PRKG1: variants seen among roughly 807,000 people sequenced by gnomAD.
PRKG1 encodes the protein cGMP-dependent protein kinase 1.
In PRKG1, 35 loss-of-function variants were observed where a neutral mutation model predicts 88.1. The observed-to-expected ratio is 0.40, with a 90% CI of 0.30 to 0.53. The LOEUF (loss-of-function observed/expected upper bound fraction) is 0.53. Among genes scored for constraint, PRKG1 ranks in the 20% least tolerant of loss-of-function variants. The pLI is 0.59. For synonymous variants in PRKG1, 303 were observed against 292.5 expected, an observed-to-expected ratio of 1.04 and a Z score of -0.37; for missense variants, 540 against 839.8, an observed-to-expected ratio of 0.64 and a Z score of 4.41.
intron 3 of PRKG1, among the ~76,000 whole-genome samples, chr10:51,628,234 A>G (rs1010902219): frequency 6.8e-6 from 1 of 148,140 alleles, no homozygotes; most frequent in African/African-American, 2.5e-5. Flanking sequence ...CAGTGGCACA[A>G]ACTTGCCTCA....
chr10:52,251,301 T>A (rs991943870), intron 9 of PRKG1, among the ~76,000 whole-genome samples: 2 of 152,192 alleles, frequency 1.3e-5, no homozygotes, highest in African/African-American at 4.8e-5. Context: ...AACTTTGATT[T>A]GATAACTGGA....
chr10:51,393,342 T>G (rs1837490797), intron 2 of PRKG1, among the ~76,000 whole-genome samples: 1 of 145,746 alleles, frequency 6.9e-6, no homozygotes, highest in Non-Finnish European at 1.5e-5. Flanking sequence ...CTAGATGGGA[T>G]GGCGGCCGGG....
chr10:52,100,045 A>C (rs12776375), intron 7 of PRKG1, among the ~76,000 whole-genome samples: 26,544 of 152,186 alleles, frequency 0.17, 2,674 homozygotes, highest in South Asian at 0.28. Context: ...AGATTTCGTA[A>C]GCCAAAAATG....
At chr10:51,179,799 G>T (rs764569874) in intron 2 of PRKG1, among the ~76,000 whole-genome samples, 9 of 152,122 alleles carry the variant, frequency 5.9e-5, no homozygotes, top group Non-Finnish European at 1.2e-4. Context: ...TCCAGTGCTT[G>T]TTCTGCCCAT....
At chr10:51,132,468 C>A (rs1845589022) in intron 1 of PRKG1, among the ~76,000 whole-genome samples, 1 of 151,950 alleles carries the variant, frequency 6.6e-6, no homozygotes, top group Non-Finnish European at 1.5e-5. Flanking sequence ...TTACAAATGT[C>A]ATCATAAGGC....
chr10:51,256,834 G>A (rs1839573226), intron 2 of PRKG1, among the ~76,000 whole-genome samples: 1 of 151,998 alleles, frequency 6.6e-6, no homozygotes, highest in Non-Finnish European at 1.5e-5. Flanking sequence ...ATAAGACGTT[G>A]GACTATGGGG....
chr10:51,847,840 TAAAAAAAAAAAAAAAAAAAAAAAAAA>T (rs766423513), intron 4 of PRKG1, among the ~76,000 whole-genome samples: 1 of 35,200 alleles, frequency 2.8e-5, no homozygotes, highest in African/African-American at 1.0e-4. Flanking sequence ...AAGACTCTGT[TAAAAAAAAAAAAAAAAAAAAAAAAAA>T]AAAAAAAAAA....
In PRKG1 at chr10:52,277,553, T is replaced by C. The variant is rs186642099; in HGVS notation, c.1404-3236T>C. Among the ~76,000 whole-genome samples the C allele has an allele frequency of 9.4e-4, 143 of 152,220 alleles. 1 individual carries two copies. The highest frequency in any genetic ancestry group is 3.2e-3 in the African/African-American group (133 of 41,560). On this transcript the variant is annotated intron_variant, in intron 12 of 17. Transcript: ENST00000373980. ...GGATCTTCACAACAACCCAGTGAGATAGTTACTGTTATTAGCCCCATTTTG... is the reference window on the plus strand; with the variant it reads ...GGATCTTCACAACAACCCAGTGAGACAGTTACTGTTATTAGCCCCATTTTG...
chr10:52,284,103 T>C (rs1308472562), intron 14 of PRKG1, among the ~76,000 whole-genome samples: 2 of 151,874 alleles, frequency 1.3e-5, no homozygotes, highest in African/African-American at 2.4e-5. Context: ...TCCTTTAAAG[T>C]AGAAATTGCA....
intron 1 of PRKG1, among the ~76,000 whole-genome samples, chr10:51,083,275 C>A (rs1222509061): frequency 1.3e-5 from 2 of 152,178 alleles, no homozygotes; most frequent in African/African-American, 4.8e-5. Flanking sequence ...GGGTTCCTGG[C>A]CACTTTCAAA....
Position 52,138,711 on chromosome 10 carries a change from A to G in PRKG1, c.1001+4806A>G, listed in dbSNP as rs186800003. ...GCCCAGAGTAAATGCAGTGTGATAGAGCATAAAAATTATGAAATTAGGAGG... is the reference window on the plus strand; with the variant it reads ...GCCCAGAGTAAATGCAGTGTGATAGGGCATAAAAATTATGAAATTAGGAGG... On this transcript the variant is annotated intron_variant, in intron 8 of 17. Transcript: ENST00000373980. 2.1e-3 allele frequency among the ~76,000 whole-genome samples: 323 copies of G among 152,182 alleles called. 1 individual carries two copies. Among genetic ancestry groups the G allele is most frequent in the African/African-American group, 7.3e-3 (302 of 41,536 alleles).
intron 8 of PRKG1, among the ~76,000 whole-genome samples, chr10:52,135,178 G>T (rs1355342539): frequency 6.6e-6 from 1 of 152,064 alleles, no homozygotes; most frequent in Non-Finnish European, 1.5e-5. Context: ...TTTGAGAAGA[G>T]TCGGGGAGGT....
At chr10:51,477,426 A>C (rs1717161144) in intron 3 of PRKG1, among the ~76,000 whole-genome samples, 1 of 151,644 alleles carries the variant, frequency 6.6e-6, no homozygotes, top group South Asian at 2.1e-4. Flanking sequence ...TGCCAAAATT[A>C]AAGAGAAGAA....
chr10:51,621,710 C>T (rs1839216426), intron 3 of PRKG1, among the ~76,000 whole-genome samples: 2 of 152,122 alleles, frequency 1.3e-5, no homozygotes, highest in African/African-American at 4.8e-5. Flanking sequence ...TTTATTTCTG[C>T]TCTAGAATAT....
intron 3 of PRKG1, among the ~76,000 whole-genome samples, chr10:51,606,434 A>G (rs1403879297): frequency 6.6e-6 from 1 of 152,198 alleles, no homozygotes; most frequent in Non-Finnish European, 1.5e-5. Flanking sequence ...AATGAGAAGT[A>G]TGTATGTGGT....
intron 3 of PRKG1, among the ~76,000 whole-genome samples, chr10:51,633,509 C>T (rs1157363996): frequency 6.6e-6 from 1 of 151,954 alleles, no homozygotes; most frequent in East Asian, 1.9e-4. Context: ...TTTGTTTTCA[C>T]AACAAAATTT....
chr10:51,797,397 T>C (rs1363874314), intron 3 of PRKG1, among the ~76,000 whole-genome samples: 2 of 146,200 alleles, frequency 1.4e-5, no homozygotes, highest in African/African-American at 4.9e-5. Context: ...TATATCTTTA[T>C]TATATTATTT....
chr10:51,616,919 T>G (rs899486621), intron 3 of PRKG1, among the ~76,000 whole-genome samples: 9 of 152,152 alleles, frequency 5.9e-5, no homozygotes, highest in African/African-American at 2.2e-4. Flanking sequence ...TAGCCCATAC[T>G]TTGCTTGTGC....
At chr10:51,851,829 G>A (rs1053113792) in intron 4 of PRKG1, among the ~76,000 whole-genome samples, 7 of 152,090 alleles carry the variant, frequency 4.6e-5, no homozygotes, top group South Asian at 4.1e-4. Context: ...CAAGGTTGGC[G>A]AATAAATTAA....
Sources: gnomAD v4.1 joint callset for allele counts (sites outside exome capture counted in the v4.1 genomes callset) on GRCh38, gnomAD v4.1.1 for gene constraint, MANE v1.5 for transcripts, NCBI Gene and HGNC (gene_info 2026-07-23, HGNC 2026-07-21) for gene names.